DNAL4: variants seen among roughly 807,000 people sequenced by gnomAD.
The protein encoded by DNAL4 is dynein light chain, outer arm 4.
Under a neutral mutation model 12.6 loss-of-function variants are expected in DNAL4, and 10 were observed. The observed-to-expected ratio is 0.79, with a 90% CI of 0.49 to 1.34. The LOEUF is 1.34. DNAL4 is among the 40% of genes most tolerant of loss of function. DNAL4 has a pLI of 0.00. For missense variants in DNAL4, 128 were observed against 138.1 expected (o/e 0.93, Z 0.37); for synonymous variants, 46 against 53.1 (o/e 0.87, Z 0.58).
At chr22:38,783,408 C>CGCGGGCCTTCCCTCCCACTGCAT in intron 1 of DNAL4, among the ~76,000 whole-genome samples, 1 of 124,916 alleles carries the variant, frequency 8.0e-6, no homozygotes, top group Middle Eastern at 4.4e-3. Context: ...TCCCACTACA[C>CGCGGGCCTTCCCTCCCACTGCAT]ACACGGGCCT....
At chr22:38,793,824 T>G (rs2093054622) in intron 1 of DNAL4, among the ~76,000 whole-genome samples, 4 of 107,842 alleles carry the variant, frequency 3.7e-5, no homozygotes, top group Admixed American at 1.1e-4. Context: ...AGGCCTTGGG[T>G]GGGTGGGGAA....
intron 2 of DNAL4, among the ~76,000 whole-genome samples, 200 bp from the exon 3 acceptor site, chr22:38,781,209 T>C (rs1169545516): frequency 6.6e-6 from 1 of 152,214 alleles, no homozygotes; most frequent in Non-Finnish European, 1.5e-5. Context: ...TCGTGGGCTC[T>C]CAAGCCCAGG....
intron 1 of DNAL4, among the ~76,000 whole-genome samples, chr22:38,786,511 A>G (rs1202065696): frequency 6.6e-6 from 1 of 152,224 alleles, no homozygotes; most frequent in Non-Finnish European, 1.5e-5. Flanking sequence ...GTGAGCCAAG[A>G]TCACACCATT....
chr22:38,791,037 C>T (rs189576413), intron 1 of DNAL4, among the ~76,000 whole-genome samples: 2 of 151,930 alleles, frequency 1.3e-5, no homozygotes, highest in Non-Finnish European at 2.9e-5. Flanking sequence ...TGTTGTGGCG[C>T]GCGCCTGTAA....
intron 1 of DNAL4, among the ~76,000 whole-genome samples, chr22:38,789,615 C>G (rs931266563): frequency 1.3e-5 from 2 of 152,236 alleles, no homozygotes; most frequent in South Asian, 4.1e-4. Context: ...AATCATCAGA[C>G]AGTCCCTGCC....
At chr22:38,783,360 C>T (rs62228778) in intron 1 of DNAL4, among the ~76,000 whole-genome samples, 20 of 151,378 alleles carry the variant, frequency 1.3e-4, no homozygotes, top group African/African-American at 3.6e-4. Context: ...CCACTACATA[C>T]GCGGGCCTTC....
intron 2 of DNAL4, among the ~76,000 whole-genome samples, chr22:38,781,812 C>T (rs767142672): frequency 4.3e-4 from 65 of 152,178 alleles, no homozygotes; most frequent in Non-Finnish European, 2.1e-4. Flanking sequence ...TCTGCACTCA[C>T]GGAACACCCT....
intron 1 of DNAL4, among the ~76,000 whole-genome samples, chr22:38,783,082 C>T (rs1239609965): frequency 6.6e-6 from 1 of 152,216 alleles, no homozygotes; most frequent in Admixed American, 6.5e-5. Context: ...CGCAAGCCCA[C>T]ACTGTCATTA....
chr22:38,793,344 T>C (rs2093053885), intron 1 of DNAL4, among the ~76,000 whole-genome samples: 2 of 152,228 alleles, frequency 1.3e-5, no homozygotes. Context: ...TATACTGGAC[T>C]GGACTCTGTA....
At chr22:38,792,682 A>G (rs764429201) in intron 1 of DNAL4, among the ~76,000 whole-genome samples, 7 of 152,232 alleles carry the variant, frequency 4.6e-5, no homozygotes, top group Non-Finnish European at 7.3e-5. Flanking sequence ...TAGTGTCACT[A>G]TCTTCCACTA....
At chr22:38,787,133 T>C (rs1053614882) in intron 1 of DNAL4, among the ~76,000 whole-genome samples, 1 of 152,152 alleles carries the variant, frequency 6.6e-6, no homozygotes, top group Non-Finnish European at 1.5e-5. Context: ...TCATGGTGGT[T>C]CTGAGTACAG....
intron 1 of DNAL4, among the ~76,000 whole-genome samples, chr22:38,788,092 G>T (rs944488869): frequency 6.6e-6 from 1 of 152,140 alleles, no homozygotes. Context: ...GCCACATTGG[G>T]GACACAGGCG....
intron 1 of DNAL4, among the ~76,000 whole-genome samples, chr22:38,784,269 G>A (rs935998602): frequency 1.3e-5 from 2 of 152,162 alleles, no homozygotes; most frequent in African/African-American, 4.8e-5. Context: ...TAGGGACAGA[G>A]GCATGAGGCT....
chr22:38,783,383 TACACGGGCCTTCCCTCCCACTACAC>T (rs1253988405), intron 1 of DNAL4, among the ~76,000 whole-genome samples: 13,979 of 115,392 alleles, frequency 0.12, 778 homozygotes, highest in East Asian at 0.18. Flanking sequence ...TCCCACTGCA[TACACGGGCCTTCCCTCCCACTACAC>T]ACACGGGCCT....
chr22:38,779,795 T>TA lies in DNAL4; in HGVS notation c.154-183_154-182insT, dbSNP rs2093031503. 6.6e-6 allele frequency among the ~76,000 whole-genome samples: 1 copy of TA among 152,100 alleles called. No homozygotes were observed. Among genetic ancestry groups the TA allele is most frequent in the African/African-American group, 2.4e-5 (1 of 41,414 alleles). On this transcript the variant is annotated intron_variant, in intron 3 of 3. Coordinates refer to ENST00000216068, the MANE Select transcript of DNAL4 (RefSeq NM_005740.3). The surrounding 1 kb of genome is among the most constrained non-coding windows in gnomAD (Gnocchi z 4.3). ...CGCAGGCCACCTCCTGCCAGGTCTA[T>TA]TACACAGGCACAGAAAACTAGACAT...
intron 3 of DNAL4, among the ~76,000 whole-genome samples, chr22:38,780,552 C>A (rs1569316807): frequency 2.0e-5 from 3 of 152,236 alleles, no homozygotes; most frequent in Admixed American, 2.0e-4. Flanking sequence ...CCTAGAACAG[C>A]GCCTGTTCAA....
At position 38,782,631 on chromosome 22, in the gene DNAL4, C is replaced by A; in HGVS notation, c.69+32G>T. 6.2e-7 allele frequency: 1 copy of A among 1,610,044 alleles called. No homozygotes were observed. The highest frequency in any genetic ancestry group is 8.5e-7 in the Non-Finnish European group (1 of 1,178,196). ...TCTCTCCAGGCTGTGTGGGCCCTGC[C>A]GGCAGTCCTGCCTCCCTCCCCTGGG... On this transcript the variant is annotated intron_variant, in intron 2 of 3. Coordinates refer to ENST00000216068, the MANE Select transcript of DNAL4 (RefSeq NM_005740.3). The surrounding 1 kb of genome is among the most constrained non-coding windows in gnomAD (Gnocchi z 5.1).
At chr22:38,791,089 C>T (rs2093049852) in intron 1 of DNAL4, among the ~76,000 whole-genome samples, 1 of 151,564 alleles carries the variant, frequency 6.6e-6, no homozygotes, top group African/African-American at 2.4e-5. Context: ...ATCTCTTGAA[C>T]CTGGGAGGCG....
chr22:38,790,626 T>C (rs1465932225), intron 1 of DNAL4, among the ~76,000 whole-genome samples: 1 of 152,132 alleles, frequency 6.6e-6, no homozygotes, highest in Non-Finnish European at 1.5e-5. Flanking sequence ...AGCCATCAAG[T>C]CCAACTATCG....
Sources: gnomAD v4.1 joint callset for allele counts (sites outside exome capture counted in the v4.1 genomes callset) on GRCh38, gnomAD v4.1.1 for gene constraint, Gnocchi (gnomAD v3.1) non-coding constraint, MANE v1.5 for transcripts, NCBI Gene and HGNC (gene_info 2026-07-23, HGNC 2026-07-21) for gene names.